The following CTNNA2 variants were observed in gnomAD, a reference collection of about 807,000 sequenced individuals.
The protein encoded by CTNNA2 is catenin alpha-2.
Under a neutral mutation model 101.0 loss-of-function variants are expected in CTNNA2, and 42 were observed. That is an observed-to-expected ratio of 0.42 (90% CI 0.32 to 0.54). CTNNA2 has a LOEUF of 0.54. Among genes scored for constraint, CTNNA2 ranks in the 20% least tolerant of loss-of-function variants. The pLI, the probability that CTNNA2 is intolerant of heterozygous loss-of-function variation, is 0.14. For missense variants in CTNNA2, 871 were observed against 1,223.1 expected, an observed-to-expected ratio of 0.71 and a Z score of 4.29; for synonymous variants, 450 against 456.4, an observed-to-expected ratio of 0.99 and a Z score of 0.18.
intron 1 of CTNNA2, among the ~76,000 whole-genome samples, chr2:79,516,058 AG>A (rs1671791314): frequency 6.6e-6 from 1 of 152,214 alleles, no homozygotes; most frequent in Non-Finnish European, 1.5e-5. Context: ...CACAGTGGCA[AG>A]TAACAAGATC....
chr2:79,745,682 A>G (rs139144409), intron 3 of CTNNA2, among the ~76,000 whole-genome samples: 122 of 152,216 alleles, frequency 8.0e-4, no homozygotes, highest in African/African-American at 2.8e-3. Flanking sequence ...AATCATACAT[A>G]TTAGTCTTTT....
intron 4 of CTNNA2, among the ~76,000 whole-genome samples, chr2:79,451,864 T>C (rs1462258169): frequency 1.3e-5 from 2 of 151,906 alleles, no homozygotes; most frequent in Non-Finnish European, 2.9e-5. Flanking sequence ...TTGAATTTTG[T>C]ATATATGTAT....
In CTNNA2 at chr2:79,755,589, A is replaced by G. The variant is rs12617535; in HGVS notation, c.298+11007A>G. ...CTGGTTCAGAATTCCCTGCGTGGGT[A>G]TGGGAGGAGTCCATGAAAATTCATC... On this transcript the variant is annotated intron_variant, in intron 3 of 18. Coordinates refer to ENST00000402739, the MANE Select transcript of CTNNA2 (RefSeq NM_001282597.3). Among the ~76,000 whole-genome samples the G allele has an allele frequency of 1.4e-4, 21 of 152,250 alleles. No homozygotes were observed. The East Asian group carries it at 3.7e-3, about 27-fold the overall frequency.
chr2:80,053,527 A>G (rs962127091), intron 7 of CTNNA2, among the ~76,000 whole-genome samples: 3 of 152,250 alleles, frequency 2.0e-5, no homozygotes, highest in Non-Finnish European at 2.9e-5. Context: ...ACTAAGTGAC[A>G]TGGACTATGG....
At chr2:79,231,269 A>G (rs1674488759) in intron 2 of CTNNA2, among the ~76,000 whole-genome samples, 2 of 152,160 alleles carry the variant, frequency 1.3e-5, no homozygotes, top group African/African-American at 4.8e-5. Context: ...GGGTAACTGA[A>G]TCATGGAGGC....
At chr2:79,617,376 CT>C (rs1181072554) in intron 1 of CTNNA2, among the ~76,000 whole-genome samples, 1 of 152,074 alleles carries the variant, frequency 6.6e-6, no homozygotes, top group African/African-American at 2.4e-5. Flanking sequence ...TTCTTGTTAG[CT>C]ACTTAATTTA....
intron 7 of CTNNA2, among the ~76,000 whole-genome samples, chr2:79,996,585 T>C (rs990595738): frequency 6.6e-6 from 1 of 152,196 alleles, no homozygotes; most frequent in Non-Finnish European, 1.5e-5. Context: ...CAGAAGATGA[T>C]CCTTTTTTGA....
intron 7 of CTNNA2, among the ~76,000 whole-genome samples, chr2:80,046,763 C>T (rs1052185744): frequency 6.6e-6 from 1 of 152,170 alleles, no homozygotes; most frequent in Non-Finnish European, 1.5e-5. Flanking sequence ...CTGCACTTTA[C>T]AGGATGTACA....
chr2:80,419,649 C>G (rs1490794379), intron 9 of CTNNA2, 48 bp downstream of exon 9: 1 of 1,583,534 alleles, frequency 6.3e-7, no homozygotes, highest in Non-Finnish European at 8.6e-7. Context: ...TGGGTTCAAT[C>G]TCTGCATATG....
intron 3 of CTNNA2, among the ~76,000 whole-genome samples, chr2:79,765,221 C>T (rs1251417526): frequency 6.6e-6 from 1 of 152,132 alleles, no homozygotes; most frequent in Non-Finnish European, 1.5e-5. Context: ...TCTCAGTAAA[C>T]ATTTGTTGAC....
chr2:79,545,284 A>C (rs1206010826), intron 1 of CTNNA2, among the ~76,000 whole-genome samples: 1 of 152,220 alleles, frequency 6.6e-6, no homozygotes, highest in Non-Finnish European at 1.5e-5. Context: ...GAGAAGCGGC[A>C]TGCCTTCACT....
chr2:79,229,505 C>T (rs924931260), intron 2 of CTNNA2, among the ~76,000 whole-genome samples: 2 of 152,154 alleles, frequency 1.3e-5, no homozygotes, highest in Non-Finnish European at 2.9e-5. Flanking sequence ...TCCCCAGCCA[C>T]CTGGAACTGT....
At chr2:79,598,395 C>T (rs1233976205) in intron 1 of CTNNA2, among the ~76,000 whole-genome samples, 3 of 152,204 alleles carry the variant, frequency 2.0e-5, no homozygotes, top group African/African-American at 4.8e-5. Flanking sequence ...AAACTGGCTT[C>T]CAAAGTGGCT....
At chr2:80,022,285 T>C (rs1231021683) in intron 7 of CTNNA2, among the ~76,000 whole-genome samples, 1 of 152,112 alleles carries the variant, frequency 6.6e-6, no homozygotes, top group African/African-American at 2.4e-5. Flanking sequence ...AAAGGCTGAG[T>C]AAAACAGATA....
chr2:80,394,120 TA>T (rs1262303768), intron 8 of CTNNA2, among the ~76,000 whole-genome samples: 1 of 152,222 alleles, frequency 6.6e-6, no homozygotes, highest in Non-Finnish European at 1.5e-5. Context: ...GACAGCCAGC[TA>T]AAACCAACCA....
chr2:79,731,179 A>G (rs887691990), intron 2 of CTNNA2, among the ~76,000 whole-genome samples: 6 of 151,986 alleles, frequency 3.9e-5, no homozygotes, highest in African/African-American at 1.4e-4. Flanking sequence ...TTTACCCGCT[A>G]TACTTAGTAG....
intron 1 of CTNNA2, among the ~76,000 whole-genome samples, chr2:79,573,080 CT>C (rs1265898643): frequency 6.6e-6 from 1 of 152,148 alleles, no homozygotes; most frequent in Non-Finnish European, 1.5e-5. Flanking sequence ...CTCCATACCG[CT>C]TATGAACTCT....
chr2:79,460,825 G>T (rs1009133904), intron 4 of CTNNA2, among the ~76,000 whole-genome samples: 12 of 145,422 alleles, frequency 8.3e-5, no homozygotes, highest in African/African-American at 2.9e-4. Flanking sequence ...TTTGCCCCAT[G>T]GCCCATTAAG....
chr2:79,990,214 G>A (rs1381026877), intron 7 of CTNNA2, among the ~76,000 whole-genome samples: 1 of 152,072 alleles, frequency 6.6e-6, no homozygotes, highest in Non-Finnish European at 1.5e-5. Context: ...GCAACCCCAG[G>A]GAACAATGAC....
Sources: allele counts gnomAD v4.1 joint callset (sites outside exome capture counted in the v4.1 genomes callset), GRCh38; gene constraint gnomAD v4.1.1; transcripts MANE v1.5; gene names NCBI Gene and HGNC (gene_info 2026-07-23, HGNC 2026-07-21).